The following SRP72 variants were observed in gnomAD, a reference collection of about 807,000 sequenced individuals.
SRP72 encodes signal recognition particle subunit SRP72.
In SRP72, 49 loss-of-function variants were observed where a neutral mutation model predicts 96.3. The ratio of observed to expected loss-of-function variants is 0.51; its 90% confidence interval spans 0.40 to 0.65. The LOEUF is 0.65. Among genes scored for constraint, SRP72 ranks in the 30% least tolerant of loss-of-function variants. The pLI is 0.00. For missense variants in SRP72, 736 were observed against 793.3 expected (o/e 0.93, Z 0.87); for synonymous variants, 267 against 275.2 (o/e 0.97, Z 0.30).
intron 16 of SRP72, among the ~76,000 whole-genome samples, chr4:56,494,074 G>T (rs1256669886): frequency 6.6e-6 from 1 of 152,142 alleles, no homozygotes; most frequent in African/African-American, 2.4e-5. Context: ...TAGGCAAAGG[G>T]TGAGCTAAGG....
intron 17 of SRP72, among the ~76,000 whole-genome samples, chr4:56,500,173 A>G (rs1259699224): frequency 6.6e-6 from 1 of 152,138 alleles, no homozygotes; most frequent in African/African-American, 2.4e-5. Flanking sequence ...ATGAGAACAC[A>G]TGGACACAGG....
intron 17 of SRP72, among the ~76,000 whole-genome samples, chr4:56,497,136 T>C (rs1241141437): frequency 2.6e-5 from 4 of 152,134 alleles, no homozygotes; most frequent in African/African-American, 9.7e-5. Flanking sequence ...GTTTTAATCT[T>C]CTACTTTAGA....
At position 56,501,984 on chromosome 4, in the gene SRP72, T is replaced by A; in HGVS notation, c.*123T>A. 9.2e-7 allele frequency: 1 copy of A among 1,085,444 alleles called. No homozygotes were observed. The highest frequency in any genetic ancestry group is 2.6e-5 in the East Asian group (1 of 39,182). The allele number at this position is 1,085,444 out of a possible 1,614,324, so 67.2% of individuals were successfully genotyped here. A position where few individuals can be genotyped will look rare whatever the true frequency, so the allele number is the denominator to read the frequency against. On this transcript the variant is annotated 3_prime_UTR_variant, in exon 19 of 19. Coordinates refer to ENST00000642900, the MANE Select transcript of SRP72 (RefSeq NM_006947.4). ...TTCATCTCCATATTTTCATAATTTC[T>A]TGTGTTTCAAATAGGGAAACATCTT...
At chr4:56,481,654 A>C (rs1460897165) in intron 8 of SRP72, among the ~76,000 whole-genome samples, 1 of 152,038 alleles carries the variant, frequency 6.6e-6, no homozygotes, top group Admixed American at 6.6e-5. Context: ...TGATTGCCTT[A>C]CAGAGTCACT....
intron 17 of SRP72, among the ~76,000 whole-genome samples, chr4:56,495,654 A>G (rs920906796): frequency 1.3e-5 from 2 of 152,204 alleles, no homozygotes; most frequent in African/African-American, 2.4e-5. Flanking sequence ...AGAGTTTTTC[A>G]TATGTAAAAT....
chr4:56,467,661 T>A lies in SRP72; in HGVS notation c.26T>A (p.Val9Glu). The change falls in exon 1 of 19, where the codon GTG becomes GAG. Residue 9 changes from valine to glutamate, a missense_variant. Coordinates refer to ENST00000642900, the MANE Select transcript of SRP72 (RefSeq NM_006947.4). ...ATGGCGAGCGGCGGCAGCGGGGGGG[T>A]GTCAGTACCTGCGCTGTGGAGTGAA... The part of the protein sequence containing the change: MASGGSGG[V>E]SVPALWSEVN... 1 of 1,552,972 alleles carries A rather than the reference T, an allele frequency of 6.4e-7. No homozygotes were observed. The highest frequency in any genetic ancestry group is 1.2e-5 in the South Asian group (1 of 84,550).
chr4:56,485,007 T>A lies in SRP72; in HGVS notation c.1086+143T>A, dbSNP rs1578187691. On this transcript the variant is annotated intron_variant, in intron 10 of 18. Coordinates refer to ENST00000642900, the MANE Select transcript of SRP72 (RefSeq NM_006947.4). Reference sequence around the variant, plus strand: ...TACACAAATTTCATTGTCATTTTAGTTAACTCTTGGGTTACAGAGCTTTAT... The same window carrying A: ...TACACAAATTTCATTGTCATTTTAGATAACTCTTGGGTTACAGAGCTTTAT... 7 of 1,041,898 alleles carry A rather than the reference T, an allele frequency of 6.7e-6. No homozygotes were observed. In the East Asian group the frequency reaches 2.0e-4, roughly 29 times the overall value. The allele number at this position is 1,041,898 out of a possible 1,614,324, so 64.5% of individuals were successfully genotyped here. A position where few individuals can be genotyped will look rare whatever the true frequency, so the allele number is the denominator to read the frequency against.
intron 8 of SRP72, among the ~76,000 whole-genome samples, chr4:56,482,779 A>C (rs1265708526): frequency 6.6e-6 from 1 of 152,200 alleles, no homozygotes; most frequent in Non-Finnish European, 1.5e-5. Flanking sequence ...AAAAGCTCAA[A>C]ACAAGCAATT....
intron 17 of SRP72, among the ~76,000 whole-genome samples, chr4:56,497,667 A>G (rs1721126291): frequency 6.6e-6 from 1 of 152,188 alleles, no homozygotes; most frequent in Admixed American, 6.5e-5. Flanking sequence ...TTTAAAAAAA[A>G]AGAAAAGGAG....
At chr4:56,468,335 G>A (rs924221177) in intron 1 of SRP72, among the ~76,000 whole-genome samples, 6 of 152,202 alleles carry the variant, frequency 3.9e-5, no homozygotes, top group African/African-American at 1.2e-4. Flanking sequence ...GGAAATATGT[G>A]TGTGGAAGCA....
At chr4:56,493,091 G>T (rs1312264545) in intron 16 of SRP72, among the ~76,000 whole-genome samples, 1 of 152,142 alleles carries the variant, frequency 6.6e-6, no homozygotes, top group Non-Finnish European at 1.5e-5. Context: ...AGGCTGGAGT[G>T]CAGTGACTCA....
At chr4:56,471,257 A>G (rs996202640) in intron 2 of SRP72, among the ~76,000 whole-genome samples, 1 of 152,214 alleles carries the variant, frequency 6.6e-6, no homozygotes, top group Non-Finnish European at 1.5e-5. Context: ...AGTGTTTACC[A>G]GTTGTTTGAT....
rs1720341647 is a variant in SRP72, at chr4:56,478,575, T to C, written c.768-17T>C. On this transcript the variant is annotated splice_polypyrimidine_tract_variant and intron_variant, in intron 7 of 18. Transcript: ENST00000642900. ...TTAAAGGTTTGTTTGGTTTTGACTG[T>C]TGCTTGTTGTTCACAGACCAACAGA... 6.2e-7 allele frequency: 1 copy of C among 1,613,544 alleles called. No individual in the cohort carries two copies. The highest frequency in any genetic ancestry group is 1.3e-5 in the African/African-American group (1 of 74,902).
chr4:56,498,554 A>T (rs1200646415), intron 17 of SRP72, among the ~76,000 whole-genome samples: 1 of 152,218 alleles, frequency 6.6e-6, no homozygotes, highest in Non-Finnish European at 1.5e-5. Context: ...CCTTAAGCTG[A>T]TAAGCAACTT....
chr4:56,500,459 GC>G (rs1721224448), intron 17 of SRP72, 76 bp from the exon 18 acceptor site: 6 of 1,434,410 alleles, frequency 4.2e-6, no homozygotes, highest in Middle Eastern at 2.5e-4. Context: ...TTATTCCCAG[GC>G]TTAGAGACAT....
intron 18 of SRP72, 125 bp from the exon 19 acceptor site, chr4:56,501,559 C>G (rs1721262665): frequency 1.4e-5 from 11 of 805,386 alleles, no homozygotes; most frequent in Non-Finnish European, 2.1e-5. Flanking sequence ...GGGGAGCTTA[C>G]CTTAAAAGAA....
chr4:56,479,119 AT>A (rs1369855174), intron 8 of SRP72, among the ~76,000 whole-genome samples: 1 of 152,118 alleles, frequency 6.6e-6, no homozygotes, highest in African/African-American at 2.4e-5. Flanking sequence ...AAATATATAT[AT>A]AAGCACTCTT....
At chr4:56,467,783 G>C (rs1719793683) in intron 1 of SRP72, 39 bp downstream of exon 1, 1 of 1,429,402 alleles carries the variant, frequency 7.0e-7, no homozygotes, top group African/African-American at 1.5e-5. Context: ...GCCCAGGCCG[G>C]CTGGAGGATG....
chr4:56,501,473 G>T (rs1371175884), intron 18 of SRP72, among the ~76,000 whole-genome samples: 1 of 151,966 alleles, frequency 6.6e-6, no homozygotes, highest in Admixed American at 6.6e-5. Flanking sequence ...CTAAAACTTG[G>T]CATGTGTACC....
Sources: gnomAD v4.1 joint callset for allele counts (sites outside exome capture counted in the v4.1 genomes callset) on GRCh38, gnomAD v4.1.1 for gene constraint, MANE v1.5 for transcripts, NCBI Gene and HGNC (gene_info 2026-07-23, HGNC 2026-07-21) for gene names.